ZNF320: variants seen among roughly 807,000 people sequenced by gnomAD.
ZNF320 encodes the protein zinc finger gene 320.
Under a neutral mutation model 6.8 loss-of-function variants are expected in ZNF320, and 2 were observed. The ratio of observed to expected loss-of-function variants is 0.29; its 90% CI spans 0.12 to 0.93. ZNF320 has a LOEUF of 0.93. Ranked by LOEUF, ZNF320 falls within the 40% of genes least tolerant of loss-of-function variation. ZNF320 has a pLI of 0.55. For missense variants in ZNF320, 472 were observed against 611.0 expected (o/e 0.77, Z 2.40); for synonymous variants, 208 against 203.2 (o/e 1.02, Z -0.20).
Position 52,865,846 on chromosome 19 carries a change from C to T in ZNF320, c.224-1687G>A, listed in dbSNP as rs28490187. 4.9e-3 allele frequency among the ~76,000 whole-genome samples: 350 copies of T among 71,994 alleles called. 14 individuals carry two copies. Among genetic ancestry groups the T allele is most frequent in the Middle Eastern group, 0.018 (1 of 56 alleles). 47.2% of individuals were successfully genotyped at this position (71,994 alleles called of 152,430 possible). A position where few individuals can be genotyped will look rare whatever the true frequency, so the allele number is the denominator to read the frequency against. On this transcript the variant is annotated intron_variant, in intron 5 of 5. Transcript: ENST00000673631. ...ACATATATTTATATATGATTATACACATATATTTATATATTATACATATAT... is the reference window on the plus strand; with the variant it reads ...ACATATATTTATATATGATTATACATATATATTTATATATTATACATATAT...
the ZNF320 span, among the ~76,000 whole-genome samples, chr19:52,903,948 C>T: frequency 6.6e-5 from 10 of 152,228 alleles, no homozygotes; most frequent in Admixed American, 3.9e-4. Flanking sequence ...GATCAGGCCA[C>T]GCTTCCACTC....
Position 52,879,231 on chromosome 19 carries a change from T to A in ZNF320, c.*1365A>T, listed in dbSNP as rs2147805512. 6.6e-6 allele frequency: 1 copy of A among 152,590 alleles called. No individual in the cohort carries two copies. Among genetic ancestry groups the A allele is most frequent in the East Asian group, 1.9e-4 (1 of 5,204 alleles). 9.5% of individuals were successfully genotyped at this position (152,590 alleles called of 1,614,324 possible). A position where few individuals can be genotyped will look rare whatever the true frequency, so the allele number is the denominator to read the frequency against. ...GACCCCTTGTACTAGCGAACTGTATTCAAGAGGTTATAAAAAGGATTGTTG... is the reference window on the plus strand; with the variant it reads ...GACCCCTTGTACTAGCGAACTGTATACAAGAGGTTATAAAAAGGATTGTTG... On this transcript the variant is annotated 3_prime_UTR_variant, in exon 6 of 6. Coordinates refer to ENST00000682928, the MANE Select transcript of ZNF320 (RefSeq NM_001351774.2).
chr19:52,860,326 C>T (rs1250605868), downstream of ZNF320, among the ~76,000 whole-genome samples: 2 of 151,996 alleles, frequency 1.3e-5, no homozygotes, highest in South Asian at 2.1e-4. Context: ...TAGGCGGTCC[C>T]GGTGGCTCAC....
chr19:52,877,393 AT>A lies in ZNF320; in HGVS notation c.*3202del, dbSNP rs1275536557. On this transcript the variant is annotated 3_prime_UTR_variant, in exon 6 of 6. Coordinates refer to ENST00000682928, the MANE Select transcript of ZNF320 (RefSeq NM_001351774.2). ...TGATCAGCCTTTCACTAAATACACA[AT>A]TTATATGTGAGCAGGGAGGAGGGAT... 6.6e-6 allele frequency: 1 copy of A among 152,192 alleles called. No homozygotes were observed. Among genetic ancestry groups the A allele is most frequent in the Non-Finnish European group, 1.5e-5 (1 of 68,032 alleles). The allele number at this position is 152,192 out of a possible 1,614,324, so 9.4% of individuals were successfully genotyped here.
At position 52,865,432 on chromosome 19, in the gene ZNF320, C is replaced by CTT. The variant is rs199736368; in HGVS notation, c.224-1275_224-1274dup. 7.8e-3 allele frequency: 888 copies of CTT among 113,352 alleles called. 43 individuals are homozygous for CTT. The highest frequency in any genetic ancestry group is 0.04 in the African/African-American group (770 of 19,290). 7.0% of individuals were successfully genotyped at this position (113,352 alleles called of 1,614,324 possible). A position where few individuals can be genotyped will look rare whatever the true frequency, so the allele number is the denominator to read the frequency against. On this transcript the variant is annotated intron_variant, in intron 5 of 5. Transcript: ENST00000673631. Reference sequence around the variant, plus strand: ...TAAAGCGTTCTGTGCAGGGTCCAGGCTTTATATATATATATATATGTAATA... The same window carrying CTT: ...TAAAGCGTTCTGTGCAGGGTCCAGGCTTTTTATATATATATATATATGTAATA...
At chr19:52,883,639 C>T (rs1277528598) in intron 5 of ZNF320, 6 of 455,056 alleles carry the variant, frequency 1.3e-5, no homozygotes, top group South Asian at 9.3e-5. Context: ...GTGGCACATA[C>T]CTGTAATCCC....
intron 5 of ZNF320, among the ~76,000 whole-genome samples, chr19:52,886,907 C>T (rs1442993107): frequency 6.7e-6 from 1 of 148,286 alleles, no homozygotes; most frequent in East Asian, 2.0e-4. Context: ...TGCACTGTAG[C>T]CTGGATGAAA....
chr19:52,900,288 G>A (rs1397364717), upstream of ZNF320, among the ~76,000 whole-genome samples: 1 of 152,148 alleles, frequency 6.6e-6, no homozygotes, highest in Non-Finnish European at 1.5e-5. Context: ...TACAACTTTT[G>A]CCTAAGACAA....
the ZNF320 span, among the ~76,000 whole-genome samples, chr19:52,902,985 T>G: frequency 6.6e-6 from 1 of 152,316 alleles, no homozygotes; most frequent in East Asian, 1.9e-4. Context: ...AAACAATAAT[T>G]TTTTTAACTT....
intron 5 of ZNF320, among the ~76,000 whole-genome samples, chr19:52,869,761 G>A (rs1052996840): frequency 3.3e-5 from 5 of 151,922 alleles, no homozygotes; most frequent in Non-Finnish European, 5.9e-5. Context: ...TCTCACCCAG[G>A]CTGGAATGCA....
At chr19:52,892,756 T>C (rs80339814) in intron 2 of ZNF320, among the ~76,000 whole-genome samples, 19,752 of 144,356 alleles carry the variant, frequency 0.14, 1,464 homozygotes, top group East Asian at 0.24. Flanking sequence ...TTGTTATACC[T>C]CCCTGGCCCC....
chr19:52,890,618 C>T (rs1373607384), intron 3 of ZNF320, among the ~76,000 whole-genome samples: 14 of 151,982 alleles, frequency 9.2e-5, no homozygotes, highest in African/African-American at 3.4e-4. Flanking sequence ...ATGCCTGTCA[C>T]CCCAGCACTC....
At chr19:52,865,716 TAC>T (rs1391220263) in intron 5 of ZNF320, among the ~76,000 whole-genome samples, 3 of 128,122 alleles carry the variant, frequency 2.3e-5, no homozygotes, top group African/African-American at 9.5e-5. Flanking sequence ...TATATGATTA[TAC>T]ACATATTTAT....
chr19:52,867,166 TTTAA>T (rs140702799), intron 5 of ZNF320, among the ~76,000 whole-genome samples: 163 of 151,986 alleles, frequency 1.1e-3, no homozygotes, highest in African/African-American at 3.3e-3. Flanking sequence ...CATGTTTGGA[TTTAA>T]TTAATTAATT....
rs1446215363 is a variant in ZNF320 at position 52,866,168 on chromosome 19, TTA to T, written c.224-2011_224-2010del. Reference sequence around the variant, plus strand: ...TATATATGTATGATTATACATATATTTATATATATGATTATACATATATTTAT... The same window carrying T: ...TATATATGTATGATTATACATATATTTATATATGATTATACATATATTTAT... On this transcript the variant is annotated intron_variant, in intron 5 of 5. Coordinates refer to the ZNF320 transcript ENST00000673631. Among the ~76,000 whole-genome samples the T allele has an allele frequency of 5.3e-5, 5 of 93,472 alleles. No individual in the cohort carries two copies. The East Asian group carries it at 1.0e-3, about 20-fold the overall frequency. 61.3% of individuals were successfully genotyped at this position (93,472 alleles called of 152,430 possible).
At chr19:52,902,354 C>T (rs1289597680), upstream of ZNF320, among the ~76,000 whole-genome samples, 3 of 152,230 alleles carry the variant, frequency 2.0e-5, no homozygotes, top group Admixed American at 6.5e-5. Flanking sequence ...AAAAGAGCTA[C>T]CATGCAGCCC....
chr19:52,898,663 GTTCACAACACTAAAGAT>G (rs990513631), upstream of ZNF320, among the ~76,000 whole-genome samples: 12 of 152,194 alleles, frequency 7.9e-5, no homozygotes, highest in African/African-American at 2.7e-4. Context: ...CTTTTTAAGG[GTTCACAACACTAAAGAT>G]TTCACATGAA....
In ZNF320 at chr19:52,881,911, CCT is replaced by C. The variant is rs766162690; in HGVS notation, c.213_214del (p.Gly72AspfsTer19). The C allele has an allele frequency of 6.2e-7, 1 of 1,612,532 alleles. No individual in the cohort carries two copies. On this transcript the variant is annotated frameshift_variant, in exon 6 of 6. Transcript: ENST00000682928. LOFTEE classifies it low-confidence loss of function (END_TRUNC). ...ATAACTTGCTTGTCTCTGCAATGTC[CCT>C]GTGTGGATCACTTCTGTATTGCCTT...
chr19:52,883,884 A>T (rs1438427236), intron 5 of ZNF320, among the ~76,000 whole-genome samples: 3 of 152,066 alleles, frequency 2.0e-5, no homozygotes, highest in Non-Finnish European at 4.4e-5. Flanking sequence ...GGGCAACAAG[A>T]TGAGATTCCA....
Sources: allele counts gnomAD v4.1 joint callset (sites outside exome capture counted in the v4.1 genomes callset), GRCh38; gene constraint gnomAD v4.1.1; transcripts MANE v1.5; gene names NCBI Gene and HGNC (gene_info 2026-07-23, HGNC 2026-07-21).